The following KDM4C variants were observed in gnomAD, a reference collection of about 807,000 sequenced individuals.
KDM4C encodes the protein lysine demethylase 4C, also known as lysine-specific demethylase 4C.
In KDM4C, 81 loss-of-function variants were observed where a neutral mutation model predicts 129.3. The observed-to-expected ratio is 0.63, with a 90% CI of 0.52 to 0.75. KDM4C has a LOEUF of 0.75. KDM4C is among the 30% of genes least tolerant of loss of function. The pLI, the probability that KDM4C is intolerant of heterozygous loss-of-function variation, is 0.00. For synonymous variants in KDM4C, 573 were observed against 456.1 expected (o/e 1.26, Z -3.26); for missense variants, 1,457 against 1,304.0 (o/e 1.12, Z -1.81).
At chr9:6,855,330 A>C (rs904623673) in intron 5 of KDM4C, among the ~76,000 whole-genome samples, 1 of 151,886 alleles carries the variant, frequency 6.6e-6, no homozygotes, top group Non-Finnish European at 1.5e-5. Context: ...ATGGTGGTGC[A>C]TGACTGTAGT....
At chr9:6,858,656 C>G in intron 5 of KDM4C, among the ~76,000 whole-genome samples, 1 of 151,908 alleles carries the variant, frequency 6.6e-6, no homozygotes, top group East Asian at 1.9e-4. Context: ...GCCTGTAATC[C>G]CAGCTACTCA....
At chr9:7,173,612 C>G (rs1845170652) in intron 21 of KDM4C, among the ~76,000 whole-genome samples, 1 of 152,152 alleles carries the variant, frequency 6.6e-6, no homozygotes, top group African/African-American at 2.4e-5. Flanking sequence ...AGAAGAAAGG[C>G]TGAAGGGCTT....
chr9:6,917,526 A>G (rs114407721), intron 8 of KDM4C, among the ~76,000 whole-genome samples: 3,138 of 152,118 alleles, frequency 0.021, 95 homozygotes, highest in African/African-American at 0.071. Flanking sequence ...CAACTTAGCT[A>G]TTTCTCTTGC....
At chr9:7,093,962 G>T (rs1309572586) in intron 17 of KDM4C, among the ~76,000 whole-genome samples, 1 of 152,220 alleles carries the variant, frequency 6.6e-6, no homozygotes, top group Non-Finnish European at 1.5e-5. Context: ...TTTTAAAACA[G>T]ATTTATTGAA....
rs764380519 is a variant in KDM4C, at chr9:6,985,092, G to A, written c.1354+688G>A. Among the ~76,000 whole-genome samples, 279 of 152,264 alleles carry A rather than the reference G, an allele frequency of 1.8e-3. 3 individuals carry two copies. The highest frequency in any genetic ancestry group is 2.2e-3 in the Non-Finnish European group (153 of 68,026). ...CCGCCAGAATCCGACTCCCTCTGCTGCTTCCTCCTCACTCATGGCACCATA... is the reference window on the plus strand; with the variant it reads ...CCGCCAGAATCCGACTCCCTCTGCTACTTCCTCCTCACTCATGGCACCATA... On this transcript the variant is annotated intron_variant, in intron 10 of 21. Transcript: ENST00000381309.
intron 15 of KDM4C, among the ~76,000 whole-genome samples, chr9:7,022,736 G>C (rs1002282317): frequency 1.3e-5 from 2 of 150,066 alleles, no homozygotes. Flanking sequence ...ACAGGTCTTA[G>C]AGAAAAGGCT....
intron 2 of KDM4C, 108 bp downstream of exon 2, chr9:6,793,240 A>G (rs1185299854): frequency 8.9e-7 from 1 of 1,127,880 alleles, no homozygotes; most frequent in African/African-American, 1.6e-5. Context: ...AATTTGCAAA[A>G]TCTTTGTTCT....
At chr9:6,938,417 A>G (rs1160977142) in intron 8 of KDM4C, among the ~76,000 whole-genome samples, 2 of 152,206 alleles carry the variant, frequency 1.3e-5, no homozygotes, top group Non-Finnish European at 2.9e-5. Context: ...ACAGGAAGCT[A>G]ATATTTTGCT....
At chr9:6,795,064 C>A (rs1360243308) in intron 2 of KDM4C, among the ~76,000 whole-genome samples, 1 of 152,170 alleles carries the variant, frequency 6.6e-6, no homozygotes, top group African/African-American at 2.4e-5. Flanking sequence ...AATATCACTG[C>A]ATAAATCCCT....
At chr9:6,807,725 G>GC (rs1830295985) in intron 3 of KDM4C, among the ~76,000 whole-genome samples, 1 of 143,778 alleles carries the variant, frequency 7.0e-6, no homozygotes, top group African/African-American at 2.6e-5. Context: ...TCTCCGCCCG[G>GC]CAGCCACCCC....
intron 8 of KDM4C, among the ~76,000 whole-genome samples, chr9:6,959,589 T>C: frequency 6.6e-6 from 1 of 152,214 alleles, no homozygotes. Context: ...CTGAGGAAGT[T>C]TGTATCTACT....
intron 8 of KDM4C, among the ~76,000 whole-genome samples, chr9:6,970,847 G>C (rs1415250930): frequency 6.9e-6 from 1 of 144,438 alleles, no homozygotes; most frequent in Non-Finnish European, 1.5e-5. Context: ...CTCCTCTTAG[G>C]AACAACTCAT....
intron 3 of KDM4C, among the ~76,000 whole-genome samples, chr9:6,807,573 G>T (rs975660966): frequency 6.8e-6 from 1 of 146,156 alleles, no homozygotes; most frequent in Non-Finnish European, 1.5e-5. Context: ...GCCCGGCCGA[G>T]ACCCCGTCTG....
chr9:7,104,153 GGAT>G, intron 18 of KDM4C: 1 of 376,136 alleles, frequency 2.7e-6, no homozygotes, highest in South Asian at 3.2e-5. Flanking sequence ...TTCTGGTGTT[GGAT>G]CTGTACACAG....
intron 15 of KDM4C, among the ~76,000 whole-genome samples, chr9:7,030,382 T>C (rs936736328): frequency 2.0e-5 from 3 of 152,214 alleles, no homozygotes; most frequent in Non-Finnish European, 4.4e-5. Flanking sequence ...GATAGTATAA[T>C]GGTAAATATA....
rs183175656 is a variant in KDM4C at position 6,990,668 on chromosome 9, A to G, written c.1786+144A>G. 2.5e-4 allele frequency: 153 copies of G among 600,576 alleles called. 1 individual carries two copies. The highest frequency in any genetic ancestry group is 4.5e-4 in the Admixed American group (14 of 30,986). 37.2% of individuals were successfully genotyped at this position (600,576 alleles called of 1,614,324 possible). On this transcript the variant is annotated intron_variant, in intron 12 of 21. Coordinates refer to ENST00000381309, the MANE Select transcript of KDM4C (RefSeq NM_015061.6). ...GGAGATCATACATAATAAATAATTT[A>G]CAGGTAAAAGGAATTTGGAACTTAG...
At chr9:6,732,972 C>G (rs1305078634) in intron 1 of KDM4C, among the ~76,000 whole-genome samples, 1 of 151,862 alleles carries the variant, frequency 6.6e-6, no homozygotes, top group African/African-American at 2.4e-5. Flanking sequence ...GAGATCATGC[C>G]ATTGCACTCC....
At chr9:6,973,747 C>T (rs528262217) in intron 8 of KDM4C, 2 of 152,316 alleles carry the variant, frequency 1.3e-5, no homozygotes, top group South Asian at 4.1e-4. Flanking sequence ...GTTAATCAAT[C>T]CTCATCCCTT....
At chr9:7,124,156 G>A (rs2133316553) in intron 18 of KDM4C, among the ~76,000 whole-genome samples, 1 of 152,264 alleles carries the variant, frequency 6.6e-6, no homozygotes, top group East Asian at 1.9e-4. Context: ...ACACCCCCAA[G>A]ATCATCCAGC....
Sources: allele counts gnomAD v4.1 joint callset (sites outside exome capture counted in the v4.1 genomes callset), GRCh38; gene constraint gnomAD v4.1.1; transcripts MANE v1.5; gene names NCBI Gene and HGNC (gene_info 2026-07-23, HGNC 2026-07-21).